Variants in TLR5 observed in about 807,000 individuals in gnomAD.
The protein encoded by TLR5 is toll-like receptor 5.
For missense variants in TLR5, 944 were observed against 999.8 expected, an observed-to-expected ratio of 0.94 and a Z score of 0.75; for synonymous variants, 373 against 384.4, an observed-to-expected ratio of 0.97 and a Z score of 0.35.
intron 4 of TLR5, chr1:223,134,452 A>G (rs1301305692): frequency 6.6e-6 from 1 of 152,144 alleles, no homozygotes; most frequent in Non-Finnish European, 1.5e-5. Flanking sequence ...AAAAAACAGC[A>G]AAAACAGCAG....
At chr1:223,130,468 C>A (rs1657355676) in intron 5 of TLR5, among the ~76,000 whole-genome samples, 1 of 152,164 alleles carries the variant, frequency 6.6e-6, no homozygotes, top group African/African-American at 2.4e-5. Flanking sequence ...CGTGGCCCTG[C>A]AGAAAAGGCT....
At chr1:223,129,605 C>G (rs1445091985) in intron 5 of TLR5, 1 of 152,332 alleles carries the variant, frequency 6.6e-6, no homozygotes, top group East Asian at 1.9e-4. Context: ...TGTGACTGGG[C>G]CCCAGGCAGT....
intron 5 of TLR5, among the ~76,000 whole-genome samples, chr1:223,117,562 CAAAAAAA>C (rs66839180): frequency 9.5e-6 from 1 of 105,132 alleles, no homozygotes; most frequent in African/African-American, 3.6e-5. Flanking sequence ...ATGGTGTTCA[CAAAAAAA>C]AAAAAAAAAA....
intron 5 of TLR5, among the ~76,000 whole-genome samples, chr1:223,119,988 A>AAAATAAAATAAAATAAATAAAAT (rs1656872851): frequency 1.3e-5 from 1 of 76,024 alleles, no homozygotes; most frequent in African/African-American, 7.0e-5. Flanking sequence ...TAAATAAAAT[A>AAAATAAAATAAAATAAATAAAAT]AAATAAAATA....
chr1:223,113,990 G>A (rs1656500673), intron 5 of TLR5, among the ~76,000 whole-genome samples: 1 of 152,038 alleles, frequency 6.6e-6, no homozygotes. Context: ...CCATTTATCC[G>A]ACCTTACTCC....
intron 2 of TLR5, among the ~76,000 whole-genome samples, chr1:223,137,950 ATTTTTT>A (rs3044335): frequency 1.5e-3 from 125 of 84,564 alleles, no homozygotes; most frequent in African/African-American, 5.1e-3. Context: ...GGCTTTTTAA[ATTTTTT>A]TTTTTTTTTT....
rs1485323608 is a variant in TLR5, at chr1:223,137,948, A to T, written c.-438-685T>A. Among the ~76,000 whole-genome samples, 13 of 74,356 alleles carry T rather than the reference A, an allele frequency of 1.7e-4. No individual in the cohort carries two copies. In the East Asian group the frequency reaches 5.4e-3, roughly 31 times the overall value. 48.8% of individuals were successfully genotyped at this position (74,356 alleles called of 152,430 possible). On this transcript the variant is annotated intron_variant, in intron 2 of 5. Coordinates refer to ENST00000642603, the MANE Select transcript of TLR5 (RefSeq NM_003268.6). ...TTAACCTCCTCAGGTCTGGCTTTTT[A>T]AATTTTTTTTTTTTTTTTTTTTTTT...
Position 223,134,014 on chromosome 1 carries a change from A to G in TLR5, c.-170+668T>C, listed in dbSNP as rs1013470577. 3.3e-5 allele frequency among the ~76,000 whole-genome samples: 5 copies of G among 152,222 alleles called. 1 individual carries two copies. The South Asian group carries it at 1.0e-3, about 32-fold the overall frequency. ...ACATTTCAATGACAACTAAATTTGT[A>G]GCTGGATTCAAATCCTAGCTCCACA... On this transcript the variant is annotated intron_variant, in intron 4 of 5. Transcript: ENST00000642603.
At chr1:223,114,433 C>T (rs927763119) in intron 5 of TLR5, among the ~76,000 whole-genome samples, 2 of 152,058 alleles carry the variant, frequency 1.3e-5, no homozygotes, top group African/African-American at 4.8e-5. Flanking sequence ...TTATATAGCT[C>T]AGAGGGCAGG....
intron 5 of TLR5, among the ~76,000 whole-genome samples, chr1:223,117,280 C>T (rs140261033): frequency 1.6e-4 from 25 of 152,184 alleles, no homozygotes; most frequent in East Asian, 1.9e-4. Context: ...CGCGCTGGCC[C>T]GTGAGCACCC....
At chr1:223,128,724 G>A (rs1336411146) in intron 5 of TLR5, 1 of 152,208 alleles carries the variant, frequency 6.6e-6, no homozygotes, top group Non-Finnish European at 1.5e-5. Flanking sequence ...CAACCAATCA[G>A]ACTGACTGCA....
At position 223,111,409 on chromosome 1, in the gene TLR5, A is replaced by G. The variant is rs532564169; in HGVS notation, c.1623T>C (p.Leu541=). ...LSLNSNRLTV[L]SHNDLPANLE... Reference sequence around the variant, plus strand: ...AATTAGCAGGTAAATCATTGTGAGAAAGAACTGTCAGCCTGTTGGAGTTGA... The same window carrying G: ...AATTAGCAGGTAAATCATTGTGAGAGAGAACTGTCAGCCTGTTGGAGTTGA... Residue 541 remains leucine, a synonymous_variant, in exon 6 of 6, where the codon CTT becomes CTC. Coordinates refer to ENST00000642603, the MANE Select transcript of TLR5 (RefSeq NM_003268.6). 9 of 1,614,214 alleles carry G rather than the reference A, an allele frequency of 5.6e-6. No homozygotes were observed. In the East Asian group the frequency reaches 2.0e-4, roughly 36 times the overall value.
chr1:223,140,366 G>C (rs1399960407), intron 2 of TLR5, among the ~76,000 whole-genome samples: 1 of 152,122 alleles, frequency 6.6e-6, no homozygotes, highest in Non-Finnish European at 1.5e-5. Context: ...GGCCAACATG[G>C]TGAAATCCCA....
rs1042115990 is a variant in TLR5, at chr1:223,134,710, T to C, written c.-198A>G. ...TCTCCAGGTTCGGACAGCGCCAACATTCTCAATTAGAAAATTAACATCTGA... is the reference window on the plus strand; with the variant it reads ...TCTCCAGGTTCGGACAGCGCCAACACTCTCAATTAGAAAATTAACATCTGA... On this transcript the variant is annotated 5_prime_UTR_variant, in exon 4 of 6. It removes an upstream start codon present in the reference 5' UTR. Transcript: ENST00000642603. 2.6e-5 allele frequency: 4 copies of C among 152,244 alleles called. No homozygotes were observed. The highest frequency in any genetic ancestry group is 5.9e-5 in the Non-Finnish European group (4 of 68,014). The allele number at this position is 152,244 out of a possible 1,614,324, so 9.4% of individuals were successfully genotyped here.
intron 5 of TLR5, among the ~76,000 whole-genome samples, chr1:223,115,975 A>C (rs1656614596): frequency 6.6e-6 from 1 of 152,186 alleles, no homozygotes; most frequent in East Asian, 1.9e-4. Context: ...TGCTTCCTTC[A>C]TGTGAACCCT....
At chr1:223,118,611 T>C (rs939711921) in intron 5 of TLR5, among the ~76,000 whole-genome samples, 2 of 150,378 alleles carry the variant, frequency 1.3e-5, no homozygotes, top group Non-Finnish European at 3.0e-5. Flanking sequence ...GGTTGTGGAG[T>C]CCAAAGTTTG....
intron 3 of TLR5, among the ~76,000 whole-genome samples, chr1:223,135,948 C>T (rs1354244841): frequency 6.6e-6 from 1 of 152,134 alleles, no homozygotes. Context: ...TTTCTGCTTT[C>T]CTAGGCTCAC....
chr1:223,141,418 ATCAG>A (rs1353975225), intron 2 of TLR5: 3 of 152,156 alleles, frequency 2.0e-5, no homozygotes, highest in Admixed American at 6.5e-5. Context: ...GGAAGGAAGA[ATCAG>A]TCAGACTGAT....
At chr1:223,115,639 G>A (rs1656590615) in intron 5 of TLR5, among the ~76,000 whole-genome samples, 1 of 73,012 alleles carries the variant, frequency 1.4e-5, no homozygotes, top group Non-Finnish European at 2.4e-5. Flanking sequence ...GTGGACGGAA[G>A]AGGTGATAAC....
Sources: allele counts gnomAD v4.1 joint callset (sites outside exome capture counted in the v4.1 genomes callset), GRCh38; gene constraint gnomAD v4.1.1; transcripts MANE v1.5; gene names NCBI Gene and HGNC (gene_info 2026-07-23, HGNC 2026-07-21).